The following MSTO1 variants were observed in gnomAD, a reference collection of about 807,000 sequenced individuals.
MSTO1 encodes misato mitochondrial distribution and morphology regulator 1.
In MSTO1, 24 loss-of-function variants were observed where a neutral mutation model predicts 55.7. The ratio of observed to expected loss-of-function variants is 0.43; its 90% confidence interval spans 0.31 to 0.61. MSTO1 has a LOEUF of 0.61. MSTO1 is among the 20% of genes least tolerant of loss of function. The pLI, the probability that MSTO1 is intolerant of heterozygous loss-of-function variation, is 0.09. For synonymous variants in MSTO1, 162 were observed against 252.8 expected (o/e 0.64, Z 3.41); for missense variants, 363 against 625.7 (o/e 0.58, Z 4.48).
At chr1:155,606,997 G>C (rs1324745181), upstream of MSTO1, among the ~76,000 whole-genome samples, 2 of 151,400 alleles carry the variant, frequency 1.3e-5, no homozygotes, top group Admixed American at 1.3e-4. Flanking sequence ...ACCTCGTCCT[G>C]CTAATTTTGT....
the MSTO1 span, among the ~76,000 whole-genome samples, chr1:155,576,159 T>C: frequency 6.6e-6 from 1 of 152,084 alleles, no homozygotes; most frequent in African/African-American, 2.4e-5. Context: ...TATTAAGTTG[T>C]AAATGTTCTT....
the MSTO1 span, among the ~76,000 whole-genome samples, chr1:155,589,984 T>G: frequency 8.6e-6 from 1 of 116,118 alleles, no homozygotes; most frequent in Admixed American, 1.1e-4. Context: ...CTTTATTTGG[T>G]AAAAATGTGA....
intron 13 of MSTO1, 139 bp from the exon 14 acceptor site, chr1:155,613,920 G>T (rs1675048034): frequency 7.3e-6 from 5 of 683,652 alleles, no homozygotes; most frequent in African/African-American, 5.3e-5. Context: ...TGGAGTACTG[G>T]TGTACTAAGG....
chr1:155,614,619 G>A lies in MSTO1; in HGVS notation c.*346G>A, dbSNP rs1244688318. The stretch of plus-strand genomic sequence containing the variant: ...TCCTGGCCTCCTGCTCTCCAGATCT[G>A]TAAACTGGGCTCAAGGACTGTACAA... On this transcript the variant is annotated 3_prime_UTR_variant, in exon 14 of 14. Transcript: ENST00000245564. The A allele has an allele frequency of 3.5e-6, 3 of 849,004 alleles. No individual in the cohort carries two copies. The East Asian group carries it at 7.8e-5, about 22-fold the overall frequency. 52.6% of individuals were successfully genotyped at this position (849,004 alleles called of 1,614,324 possible). A position where few individuals can be genotyped will look rare whatever the true frequency, so the allele number is the denominator to read the frequency against.
the MSTO1 span, among the ~76,000 whole-genome samples, chr1:155,588,380 C>T: frequency 3.3e-5 from 5 of 151,930 alleles, no homozygotes; most frequent in African/African-American, 1.2e-4. Context: ...TCTAAGATGC[C>T]TCATTTCACT....
chr1:155,578,566 A>C, the MSTO1 span, among the ~76,000 whole-genome samples: 2 of 118,140 alleles, frequency 1.7e-5, no homozygotes. Flanking sequence ...GCCAGACTGC[A>C]GTGGCACAAT....
the MSTO1 span, among the ~76,000 whole-genome samples, chr1:155,587,924 A>G: frequency 2.0e-5 from 3 of 151,008 alleles, no homozygotes; most frequent in Admixed American, 2.0e-4. Flanking sequence ...ACTAGTTGCC[A>G]GGTGGGCGCG....
chr1:155,609,302 T>G (rs2151132), upstream of MSTO1, among the ~76,000 whole-genome samples: 130,073 of 135,064 alleles, frequency 0.96, 62,904 homozygotes, highest in East Asian at 1. Context: ...ATGGAGTGCA[T>G]TGGCGTGATC....
the MSTO1 span, among the ~76,000 whole-genome samples, chr1:155,593,900 C>T: frequency 2.7e-5 from 4 of 150,888 alleles, no homozygotes; most frequent in Admixed American, 1.3e-4. Flanking sequence ...ACCCGGGAGG[C>T]GGAGCTTGCA....
At chr1:155,602,639 G>T in the MSTO1 span, among the ~76,000 whole-genome samples, 2 of 152,100 alleles carry the variant, frequency 1.3e-5, no homozygotes, top group Non-Finnish European at 2.9e-5. Context: ...ACTGGAGTTG[G>T]AATAACTGTA....
At chr1:155,592,059 G>A in the MSTO1 span, among the ~76,000 whole-genome samples, 2 of 152,080 alleles carry the variant, frequency 1.3e-5, no homozygotes, top group African/African-American at 4.8e-5. Context: ...CTTTCTCTCC[G>A]GTAGATAAAA....
chr1:155,614,919 C>G lies in MSTO1; in HGVS notation c.*646C>G, dbSNP rs1418538713. On this transcript the variant is annotated 3_prime_UTR_variant, in exon 14 of 14. Coordinates refer to ENST00000245564, the MANE Select transcript of MSTO1 (RefSeq NM_018116.4). ...TCACTGATCCTTAGTAACATGTTAA[C>G]ATTTATGAAGCACTATATATTGATT... 5.2e-5 allele frequency: 69 copies of G among 1,318,152 alleles called. No homozygotes were observed. The highest frequency in any genetic ancestry group is 7.2e-5 in the Non-Finnish European group (67 of 933,718). 81.7% of individuals were successfully genotyped at this position (1,318,152 alleles called of 1,614,324 possible). A position where few individuals can be genotyped will look rare whatever the true frequency, so the allele number is the denominator to read the frequency against.
In MSTO1 at chr1:155,612,437, A is replaced by G. The variant is rs143029385; in HGVS notation, c.833A>G (p.Tyr278Cys). ...YHRGEAQRNI[Y>C]RLLNTAFGLV... ...CACCAGGAGGCCCAGAGAAACATCT[A>G]TCGTCTATTAAACACAGCTTTTGGT... is the stretch of plus-strand genomic sequence containing the variant. Residue 278 changes from tyrosine to cysteine, a missense_variant, in exon 9 of 14, where the codon TAT (tyrosine) becomes TGT (cysteine). Tyr to Cys is a radical substitution (Grantham distance 194). Coordinates refer to ENST00000245564, the MANE Select transcript of MSTO1 (RefSeq NM_018116.4). 3.1e-4 allele frequency: 493 copies of G among 1,613,478 alleles called. 2 individuals are homozygous for G. The African/African-American group carries it at 4.6e-3, about 15-fold the overall frequency.
the MSTO1 span, among the ~76,000 whole-genome samples, chr1:155,594,618 T>C: frequency 2.0e-5 from 3 of 151,698 alleles, no homozygotes; most frequent in Non-Finnish European, 2.9e-5. Context: ...AAGCCGTGTT[T>C]CTCTCTCTCT....
chr1:155,587,313 G>A, the MSTO1 span, among the ~76,000 whole-genome samples: 4 of 151,776 alleles, frequency 2.6e-5, no homozygotes, highest in East Asian at 5.8e-4. Flanking sequence ...GGTGGCACGC[G>A]CTGGTAATCC....
At chr1:155,592,965 G>A in the MSTO1 span, among the ~76,000 whole-genome samples, 1 of 152,030 alleles carries the variant, frequency 6.6e-6, no homozygotes, top group Non-Finnish European at 1.5e-5. Context: ...AGGCTGGAGT[G>A]CAATGGCACG....
In MSTO1 at chr1:155,612,979, T is replaced by G. The variant is rs774444100; in HGVS notation, c.1098+4T>G. On this transcript the variant is annotated splice_donor_region_variant and intron_variant, in intron 10 of 13. Coordinates refer to ENST00000245564, the MANE Select transcript of MSTO1 (RefSeq NM_018116.4). ...GCTGAGCTTCTGTGGGAAAAAGGTA[T>G]GAAGCTTTGTAAGGGGTTGGGTCAG... is the stretch of plus-strand genomic sequence containing the variant. 1 of 1,613,980 alleles carries G rather than the reference T, an allele frequency of 6.2e-7. No individual in the cohort carries two copies. The highest frequency in any genetic ancestry group is 8.5e-7 in the Non-Finnish European group (1 of 1,179,876).
At chr1:155,566,159 G>A in the MSTO1 span, 1 of 152,164 alleles carries the variant, frequency 6.6e-6, no homozygotes, top group Non-Finnish European at 1.5e-5. Context: ...CTTCAAATTG[G>A]AGTGCTTGTC....
chr1:155,580,641 A>G, the MSTO1 span, among the ~76,000 whole-genome samples: 2 of 152,066 alleles, frequency 1.3e-5, no homozygotes, highest in African/African-American at 4.8e-5. Context: ...TAATTTGGCC[A>G]GGTGCGGTGG....
Sources: gnomAD v4.1 joint callset for allele counts (sites outside exome capture counted in the v4.1 genomes callset) on GRCh38, gnomAD v4.1.1 for gene constraint, MANE v1.5 for transcripts, NCBI Gene and HGNC (gene_info 2026-07-23, HGNC 2026-07-21) for gene names.